FBXW7: variants seen among roughly 807,000 people sequenced by gnomAD.
FBXW7 encodes F-box/WD repeat-containing protein 7.
FBXW7 carries 11 observed loss-of-function variants against 86.3 expected under a neutral mutation model. The observed-to-expected ratio is 0.13, with a 90% CI of 0.08 to 0.21. FBXW7 has a LOEUF of 0.21. Among genes scored for constraint, FBXW7 ranks in the 10% least tolerant of loss-of-function variants. The pLI, the probability that FBXW7 is intolerant of heterozygous loss-of-function variation, is 1.00. For synonymous variants in FBXW7, 313 were observed against 297.9 expected, an observed-to-expected ratio of 1.05 and a Z score of -0.52; for missense variants, 488 against 847.4, an observed-to-expected ratio of 0.58 and a Z score of 5.27.
At chr4:152,442,195 C>A (rs1740954418) in intron 2 of FBXW7, among the ~76,000 whole-genome samples, 1 of 152,194 alleles carries the variant, frequency 6.6e-6, no homozygotes, top group Non-Finnish European at 1.5e-5. Context: ...TCCCACTCCA[C>A]ACAGCTTCCT....
At chr4:152,425,695 G>C (rs1579166125) in intron 2 of FBXW7, among the ~76,000 whole-genome samples, 1 of 152,120 alleles carries the variant, frequency 6.6e-6, no homozygotes, top group African/African-American at 2.4e-5. Context: ...GACCCTGGGA[G>C]CTAAGCATAG....
intron 2 of FBXW7, among the ~76,000 whole-genome samples, chr4:152,520,668 T>C (rs1748932774): frequency 6.6e-6 from 1 of 152,134 alleles, no homozygotes; most frequent in African/African-American, 2.4e-5. Flanking sequence ...AAAATGATAC[T>C]ACATATTCAT....
chr4:152,478,103 C>T (rs955419546), intron 2 of FBXW7, among the ~76,000 whole-genome samples: 2 of 151,944 alleles, frequency 1.3e-5, no homozygotes, highest in Non-Finnish European at 2.9e-5. Flanking sequence ...CTATTTTAGC[C>T]ATTTTTAAAT....
At chr4:152,428,379 C>G (rs1271120189) in intron 2 of FBXW7, among the ~76,000 whole-genome samples, 1 of 152,102 alleles carries the variant, frequency 6.6e-6, no homozygotes, top group Admixed American at 6.5e-5. Context: ...TAATTTTATA[C>G]TTACAAAATT....
intron 4 of FBXW7, among the ~76,000 whole-genome samples, chr4:152,366,160 T>C (rs1733458778): frequency 6.6e-6 from 1 of 152,208 alleles, no homozygotes; most frequent in Non-Finnish European, 1.5e-5. Context: ...TTTATAATTA[T>C]ACTGTCTATT....
chr4:152,530,620 T>C (rs1579449026), intron 2 of FBXW7: 1 of 152,170 alleles, frequency 6.6e-6, no homozygotes, highest in East Asian at 1.9e-4. Flanking sequence ...TACAGTAGAG[T>C]ATGTGCTTTA....
At chr4:152,406,292 C>T (rs1737417043) in intron 4 of FBXW7, among the ~76,000 whole-genome samples, 2 of 151,842 alleles carry the variant, frequency 1.3e-5, no homozygotes, top group Non-Finnish European at 2.9e-5. Flanking sequence ...ACAATGAAAC[C>T]TCATAATTAA....
intron 2 of FBXW7, among the ~76,000 whole-genome samples, chr4:152,476,966 G>A (rs905003021): frequency 5.3e-5 from 8 of 151,804 alleles, no homozygotes; most frequent in East Asian, 1.9e-4. Context: ...TGAGGATTCC[G>A]CATCTGTTAT....
intron 4 of FBXW7, among the ~76,000 whole-genome samples, chr4:152,401,241 A>G (rs1373004992): frequency 6.6e-6 from 1 of 152,206 alleles, no homozygotes; most frequent in African/African-American, 2.4e-5. Flanking sequence ...CTGCACACAG[A>G]TTTTCACAAG....
chr4:152,404,007 T>A (rs571160024), intron 4 of FBXW7, among the ~76,000 whole-genome samples: 2 of 152,374 alleles, frequency 1.3e-5, no homozygotes, highest in Admixed American at 1.3e-4. Context: ...ACTCTTCTAA[T>A]AACGTGTTAA....
chr4:152,332,759 A>C, intron 7 of FBXW7, 40 bp from the exon 8 acceptor site: 3 of 927,984 alleles, frequency 3.2e-6, no homozygotes, highest in Non-Finnish European at 2.8e-6. Flanking sequence ...ATATTTAAAT[A>C]AATATATATA....
intron 4 of FBXW7, among the ~76,000 whole-genome samples, chr4:152,387,455 T>C (rs1735620296): frequency 6.6e-6 from 1 of 151,938 alleles, no homozygotes; most frequent in Non-Finnish European, 1.5e-5. Flanking sequence ...GATATCAGAG[T>C]ATTAAAGTAT....
rs1433030964 is a variant in FBXW7 at position 152,321,125 on chromosome 4, G to T, written c.*1756C>A. 2 of 197,212 alleles carry T rather than the reference G, an allele frequency of 1.0e-5. No homozygotes were observed. The highest frequency in any genetic ancestry group is 6.1e-5 in the Admixed American group (1 of 16,506). 12.2% of individuals were successfully genotyped at this position (197,212 alleles called of 1,614,324 possible). A position where few individuals can be genotyped will look rare whatever the true frequency, so the allele number is the denominator to read the frequency against. On this transcript the variant is annotated 3_prime_UTR_variant, in exon 14 of 14. Transcript: ENST00000281708. ...ATCCTTACTTTCGCGGTATAAAACA[G>T]GCTTGAAGTATTGATTTCTATGTCA...
intron 2 of FBXW7, among the ~76,000 whole-genome samples, chr4:152,466,619 G>A (rs1158096820): frequency 6.6e-6 from 1 of 151,606 alleles, no homozygotes; most frequent in African/African-American, 2.4e-5. Context: ...CCATACATAA[G>A]TTTACAAAAA....
At position 152,434,938 on chromosome 4, in the gene FBXW7, C is replaced by T. The variant is rs531308091; in HGVS notation, c.-119-22409G>A. Among the ~76,000 whole-genome samples the T allele has an allele frequency of 2.8e-3, 378 of 135,938 alleles. 2 individuals are homozygous for T. Among genetic ancestry groups the T allele is most frequent in the Non-Finnish European group, 3.9e-3 (258 of 65,588 alleles). The allele number at this position is 135,938 out of a possible 152,430, so 89.2% of individuals were successfully genotyped here. Reference sequence around the variant, plus strand: ...CAGGGGTTCCTAATTCTCTGTTCCCCCAACCTCCTTTCCCCCCGCTCCCCC... The same window carrying T: ...CAGGGGTTCCTAATTCTCTGTTCCCTCAACCTCCTTTCCCCCCGCTCCCCC... On this transcript the variant is annotated intron_variant, in intron 2 of 13. Transcript: ENST00000281708.
intron 2 of FBXW7, among the ~76,000 whole-genome samples, chr4:152,497,384 T>C (rs1291714981): frequency 7.5e-6 from 1 of 134,210 alleles, no homozygotes; most frequent in African/African-American, 2.9e-5. Context: ...CACTATGAGA[T>C]ACTTGCAATG....
Position 152,535,704 on chromosome 4 carries a change from G to C in FBXW7, c.-790C>G. ...TTGGGGGTCTCGCCCCACGCCCCAC[G>C]GGACGAGGCAGAAGCTCTGGCGCCT... On this transcript the variant is annotated 5_prime_UTR_variant, in exon 1 of 14. Coordinates refer to ENST00000281708, the MANE Select transcript of FBXW7 (RefSeq NM_001349798.2). 2.5e-6 allele frequency: 1 copy of C among 395,584 alleles called. No individual in the cohort carries two copies. The highest frequency in any genetic ancestry group is 4.5e-6 in the Non-Finnish European group (1 of 223,978). 24.5% of individuals were successfully genotyped at this position (395,584 alleles called of 1,614,324 possible). A position where few individuals can be genotyped will look rare whatever the true frequency, so the allele number is the denominator to read the frequency against.
At chr4:152,358,834 T>C (rs1017794581) in intron 4 of FBXW7, among the ~76,000 whole-genome samples, 1 of 152,194 alleles carries the variant, frequency 6.6e-6, no homozygotes, top group Non-Finnish European at 1.5e-5. Flanking sequence ...GGTAGCTGTA[T>C]TTAACAGGTG....
intron 7 of FBXW7, among the ~76,000 whole-genome samples, chr4:152,335,373 T>C (rs1015433915): frequency 1.1e-4 from 16 of 149,552 alleles, no homozygotes; most frequent in African/African-American, 3.0e-4. Context: ...GAGGCTAACA[T>C]AGGAGAATCA....
Sources: allele counts gnomAD v4.1 joint callset (sites outside exome capture counted in the v4.1 genomes callset), GRCh38; gene constraint gnomAD v4.1.1; transcripts MANE v1.5; gene names NCBI Gene and HGNC (gene_info 2026-07-23, HGNC 2026-07-21).